Variants in ZDHHC7 observed in about 807,000 individuals in gnomAD.
ZDHHC7 encodes palmitoyltransferase ZDHHC7.
A neutral mutation model predicts 34.1 loss-of-function variants in ZDHHC7; 12 were observed. That is an observed-to-expected ratio of 0.35 (90% CI 0.23 to 0.57). ZDHHC7 has a LOEUF of 0.57. Ranked by LOEUF, ZDHHC7 falls within the 20% of genes least tolerant of loss-of-function variation. The pLI, the probability that ZDHHC7 is intolerant of heterozygous loss-of-function variation, is 0.84. For missense variants in ZDHHC7, 388 were observed against 402.7 expected, an observed-to-expected ratio of 0.96 and a Z score of 0.31; for synonymous variants, 185 against 155.4, an observed-to-expected ratio of 1.19 and a Z score of -1.42.
upstream of ZDHHC7, among the ~76,000 whole-genome samples, chr16:85,015,104 T>G (rs538811522): frequency 2.2e-4 from 34 of 151,766 alleles, no homozygotes; most frequent in Non-Finnish European, 4.4e-4. Flanking sequence ...TTTGTTGTTT[T>G]TTTTTTTTTT....
At chr16:84,980,880 T>A (rs1358543125) in intron 4 of ZDHHC7, among the ~76,000 whole-genome samples, 7 of 152,152 alleles carry the variant, frequency 4.6e-5, no homozygotes, top group Non-Finnish European at 8.8e-5. Context: ...TCCGATACCA[T>A]TTCATCTTTC....
chr16:85,002,820 G>C (rs1173686613), intron 1 of ZDHHC7, among the ~76,000 whole-genome samples: 1 of 152,060 alleles, frequency 6.6e-6, no homozygotes, highest in Non-Finnish European at 1.5e-5. Context: ...AGTTCACTCA[G>C]GAAGACGAGT....
At position 84,990,320 on chromosome 16, in the gene ZDHHC7, G is replaced by C. The variant is rs756907456; in HGVS notation, c.299C>G (p.Thr100Ser). ...AGTACTCACAGGGTCGGTGAGCATG[G>C]TTCTCAGGTGGGATGACAGGGCAAG... ...AVLALSSHLR[T>S]MLTDPGAVPK... is the part of the protein sequence containing the mutation. Residue 100 changes from threonine to serine, a missense_variant, in exon 3 of 8, where the codon ACC becomes AGC. Transcript: ENST00000313732. 6.2e-7 allele frequency: 1 copy of C among 1,614,004 alleles called. No individual in the cohort carries two copies. Among genetic ancestry groups the C allele is most frequent in the Non-Finnish European group, 8.5e-7 (1 of 1,179,940 alleles).
At chr16:85,006,287 C>T (rs972846071) in intron 1 of ZDHHC7, among the ~76,000 whole-genome samples, 1 of 151,880 alleles carries the variant, frequency 6.6e-6, no homozygotes, top group African/African-American at 2.4e-5. Flanking sequence ...TGAGCCCAGG[C>T]GTTCAAGGCT....
At chr16:85,009,700 A>AT in intron 1 of ZDHHC7, among the ~76,000 whole-genome samples, 3 of 136,324 alleles carry the variant, frequency 2.2e-5, no homozygotes, top group South Asian at 2.3e-4. Flanking sequence ...CCAAGTTCTG[A>AT]CTTTTTTTCT....
intron 4 of ZDHHC7, 74 bp downstream of exon 4, chr16:84,981,796 A>C (rs1232977501): frequency 5.6e-6 from 9 of 1,607,070 alleles, no homozygotes; most frequent in Non-Finnish European, 7.7e-6. Flanking sequence ...TGGTGGGCGC[A>C]CTCTGGTTTA....
chr16:84,991,830 G>A (rs560700212), intron 2 of ZDHHC7, among the ~76,000 whole-genome samples: 48 of 152,150 alleles, frequency 3.2e-4, no homozygotes, highest in Non-Finnish European at 5.9e-4. Context: ...TCTTTTGCAA[G>A]CCATCATTTT....
intron 1 of ZDHHC7, among the ~76,000 whole-genome samples, chr16:85,002,827 G>A (rs915322699): frequency 4.6e-5 from 7 of 151,990 alleles, no homozygotes; most frequent in South Asian, 2.1e-4. Context: ...TCAGGAAGAC[G>A]AGTGCTGAGT....
chr16:84,992,994 G>C (rs1342535129), intron 2 of ZDHHC7, among the ~76,000 whole-genome samples: 2 of 152,134 alleles, frequency 1.3e-5, no homozygotes. Flanking sequence ...GTTTTCCAAA[G>C]TCAGTAAAAT....
At chr16:85,011,114 G>A (rs978359446) in intron 1 of ZDHHC7, among the ~76,000 whole-genome samples, 172 bp downstream of exon 1, 4 of 152,250 alleles carry the variant, frequency 2.6e-5, no homozygotes, top group Non-Finnish European at 5.9e-5. Context: ...ACCTGGAAGG[G>A]AAGTCAGGTG....
chr16:85,002,386 A>G (rs1212857531), intron 1 of ZDHHC7, among the ~76,000 whole-genome samples: 2 of 152,176 alleles, frequency 1.3e-5, no homozygotes, highest in African/African-American at 4.8e-5. Context: ...CATCCATAGC[A>G]ATGAGTCCTG....
intron 3 of ZDHHC7, among the ~76,000 whole-genome samples, chr16:84,983,911 G>A (rs2072402909): frequency 6.7e-6 from 1 of 149,068 alleles, no homozygotes; most frequent in Non-Finnish European, 1.5e-5. Flanking sequence ...GTGAGGCAGA[G>A]CACCCGGGAG....
upstream of ZDHHC7, among the ~76,000 whole-genome samples, chr16:85,013,683 GTTTT>G (rs935274036): frequency 6.6e-6 from 1 of 151,504 alleles, no homozygotes; most frequent in Non-Finnish European, 1.5e-5. Context: ...ATTAATTTGT[GTTTT>G]TTTGTTTTGT....
intron 4 of ZDHHC7, among the ~76,000 whole-genome samples, 171 bp downstream of exon 4, chr16:84,981,699 C>T (rs984726043): frequency 6.6e-6 from 1 of 152,214 alleles, no homozygotes; most frequent in African/African-American, 2.4e-5. Context: ...CGGCCCTTTA[C>T]TCAGCTCCCT....
At chr16:84,999,259 CAATT>C (rs2072623447) in intron 1 of ZDHHC7, among the ~76,000 whole-genome samples, 1 of 152,130 alleles carries the variant, frequency 6.6e-6, no homozygotes, top group African/African-American at 2.4e-5. Context: ...ATCAAATCTC[CAATT>C]AATTTTATAA....
intron 2 of ZDHHC7, among the ~76,000 whole-genome samples, chr16:84,992,553 G>A (rs1053973659): frequency 2.0e-5 from 3 of 152,208 alleles, no homozygotes; most frequent in Non-Finnish European, 4.4e-5. Flanking sequence ...TCTTATCGGT[G>A]TTTGCTCTGA....
At chr16:84,997,006 A>G (rs2072587732) in intron 1 of ZDHHC7, among the ~76,000 whole-genome samples, 1 of 148,848 alleles carries the variant, frequency 6.7e-6, no homozygotes, top group Non-Finnish European at 1.5e-5. Flanking sequence ...AGCCTGGGCG[A>G]CAGAGCAAGA....
rs1173182850 is a variant in ZDHHC7, at chr16:84,975,575, A to G, written c.*768T>C. ...TGGATCGAGATGTCCTCCAACAGCAATACATTCATAGTAACCACGGGCAGG... is the reference window on the plus strand; with the variant it reads ...TGGATCGAGATGTCCTCCAACAGCAGTACATTCATAGTAACCACGGGCAGG... On this transcript the variant is annotated 3_prime_UTR_variant, in exon 8 of 8. Coordinates refer to ENST00000313732, the MANE Select transcript of ZDHHC7 (RefSeq NM_017740.3). 1 of 152,670 alleles carries G rather than the reference A, an allele frequency of 6.6e-6. No individual in the cohort carries two copies. The highest frequency in any genetic ancestry group is 1.5e-5 in the Non-Finnish European group (1 of 68,052). The allele number at this position is 152,670 out of a possible 1,614,324, so 9.5% of individuals were successfully genotyped here.
intron 1 of ZDHHC7, among the ~76,000 whole-genome samples, chr16:84,997,248 CT>C (rs1663852209): frequency 6.8e-6 from 1 of 147,662 alleles, no homozygotes; most frequent in African/African-American, 2.5e-5. Flanking sequence ...ATACAACAGT[CT>C]ATAGATTCTA....
Sources: gnomAD v4.1 joint callset for allele counts (sites outside exome capture counted in the v4.1 genomes callset) on GRCh38, gnomAD v4.1.1 for gene constraint, MANE v1.5 for transcripts, NCBI Gene and HGNC (gene_info 2026-07-23, HGNC 2026-07-21) for gene names.